Variants in SLC12A6 observed in about 807,000 individuals in gnomAD.
The protein encoded by SLC12A6 is solute carrier family 12 member 6, also known as K-Cl cotransporter 3.
SLC12A6 carries 66 observed loss-of-function variants against 135.3 expected under a neutral mutation model. That is an observed-to-expected ratio of 0.49 (90% confidence interval 0.40 to 0.60). SLC12A6 has a LOEUF of 0.60. Ranked by LOEUF, SLC12A6 falls within the 20% of genes least tolerant of loss-of-function variation. The pLI is 0.00. For missense variants in SLC12A6, 1,058 were observed against 1,452.3 expected (o/e 0.73, Z 4.41); for synonymous variants, 513 against 508.8 (o/e 1.01, Z -0.11).
chr15:34,250,808 A>T, intron 11 of SLC12A6, 79 bp from the exon 12 acceptor site: 1 of 1,400,318 alleles, frequency 7.1e-7, no homozygotes, highest in East Asian at 2.3e-5. Flanking sequence ...GAGTAGAAGC[A>T]AATCTAGGAA....
chr15:34,337,780 C>CTAGCGGCTGT lies in SLC12A6; in HGVS notation c.-522_-521insACAGCCGCTA. The stretch of plus-strand genomic sequence containing the variant: ...GCAGCTGTTGTTTACTAGCCGGTAA[C>CTAGCGGCTGT]TGTTTCAGAGCCGCGGCGCGCGCAG... On this transcript the variant is annotated 5_prime_UTR_variant, in exon 1 of 26. Transcript: ENST00000354181. 1 of 152,254 alleles carries CTAGCGGCTGT rather than the reference C, an allele frequency of 6.6e-6. No individual in the cohort carries two copies. Among genetic ancestry groups the CTAGCGGCTGT allele is most frequent in the East Asian group, 1.9e-4 (1 of 5,182 alleles). The allele number at this position is 152,254 out of a possible 1,614,324, so 9.4% of individuals were successfully genotyped here. A position where few individuals can be genotyped will look rare whatever the true frequency, so the allele number is the denominator to read the frequency against.
intron 19 of SLC12A6, among the ~76,000 whole-genome samples, chr15:34,240,085 G>T (rs540292473): frequency 6.6e-6 from 1 of 151,938 alleles, no homozygotes; most frequent in South Asian, 2.1e-4. Flanking sequence ...ATCTCCTAAT[G>T]CTATCCTTCC....
intron 2 of SLC12A6, among the ~76,000 whole-genome samples, chr15:34,324,143 A>G (rs551962531): frequency 3.0e-4 from 46 of 152,314 alleles, no homozygotes; most frequent in Non-Finnish European, 5.9e-4. Context: ...ACAAATATGT[A>G]TATAACAGCT....
Position 34,239,091 on chromosome 15 carries a change from T to C in SLC12A6, c.2506A>G (p.Arg836Gly). The change falls in exon 20 of 26, where the codon AGA (arginine) becomes GGA (glycine). Residue 836 changes from arginine to glycine, a missense_variant. By Grantham distance (125) the Arg-to-Gly change is moderately radical. Transcript: ENST00000354181. ...FCQLVVAAKL[R>G]EGISHLIQSC... ...TGGATGAGGTGGGAAATGCCCTCTCTCAGCTTGGCGGCCACCACCAGCTGG... is the reference window on the plus strand; with the variant it reads ...TGGATGAGGTGGGAAATGCCCTCTCCCAGCTTGGCGGCCACCACCAGCTGG... The C allele has an allele frequency of 6.2e-7, 1 of 1,614,118 alleles. No individual in the cohort carries two copies. The highest frequency in any genetic ancestry group is 8.5e-7 in the Non-Finnish European group (1 of 1,179,980).
Position 34,236,106 on chromosome 15 carries a change from G to C in SLC12A6, c.3136C>G (p.His1046Asp). The change falls in exon 24 of 26, where the codon CAC becomes GAC. Residue 1046 changes from histidine to aspartate, a missense_variant. Around this residue, in one of 6 missense-constraint regions of SLC12A6, gnomAD observed 245 missense variants for 440.8 expected, o/e 0.56. Coordinates refer to ENST00000354181, the MANE Select transcript of SLC12A6 (RefSeq NM_001365088.1). ...TACTTGTCTTTTGTCCAAGTCATGTGCACCTTCTCCTGATAGGTTTCTGTC... is the reference window on the plus strand; with the variant it reads ...TACTTGTCTTTTGTCCAAGTCATGTCCACCTTCTCCTGATAGGTTTCTGTC... ...EETETYQEKV[H>D]MTWTKDKYMA... The C allele has an allele frequency of 6.2e-7, 1 of 1,613,388 alleles. No individual in the cohort carries two copies. Among genetic ancestry groups the C allele is most frequent in the Non-Finnish European group, 8.5e-7 (1 of 1,179,294 alleles).
chr15:34,270,525 G>A (rs1817927260), intron 3 of SLC12A6, among the ~76,000 whole-genome samples: 1 of 152,164 alleles, frequency 6.6e-6, no homozygotes, highest in Non-Finnish European at 1.5e-5. Context: ...AGGTTTGGCT[G>A]AGCACAATGG....
chr15:34,324,516 A>G (rs1370539732), intron 2 of SLC12A6, among the ~76,000 whole-genome samples: 5 of 152,140 alleles, frequency 3.3e-5, no homozygotes, highest in Non-Finnish European at 7.4e-5. Context: ...GAATGGGTCT[A>G]TTTTGGGGTA....
At chr15:34,316,734 C>G (rs1252605585) in intron 2 of SLC12A6, among the ~76,000 whole-genome samples, 1 of 152,122 alleles carries the variant, frequency 6.6e-6, no homozygotes, top group Non-Finnish European at 1.5e-5. Context: ...TAGTTGCTAA[C>G]AGATTGAATG....
rs1256888994 is a variant in SLC12A6, at chr15:34,235,309, T to C, written c.3233A>G (p.Gln1078Arg). The C allele has an allele frequency of 6.2e-7, 1 of 1,613,014 alleles. No individual in the cohort carries two copies. Among genetic ancestry groups the C allele is most frequent in the Admixed American group, 1.7e-5 (1 of 60,000 alleles). ...FQDLLNMRPD[Q>R]SNVRRMHTAV... is the part of the protein sequence containing the mutation. ...TGTATGCATCCGCCTCACATTGGAC[T>C]GGTCCCTGAGTGGGGAAGAAATAAA... is the stretch of plus-strand genomic sequence containing the variant. Residue 1078 changes from glutamine to arginine, a missense_variant, in exon 25 of 26, where the codon CAG (glutamine) becomes CGG (arginine). Gln to Arg is a conservative substitution (Grantham distance 43). Transcript: ENST00000354181.
chr15:34,248,154 T>C (rs1892129701), intron 13 of SLC12A6, among the ~76,000 whole-genome samples: 1 of 152,256 alleles, frequency 6.6e-6, no homozygotes, highest in Non-Finnish European at 1.5e-5. Context: ...TACTTTGCTG[T>C]ATGGCTTCCT....
intron 2 of SLC12A6, among the ~76,000 whole-genome samples, chr15:34,302,003 T>C (rs1896289739): frequency 6.6e-6 from 1 of 152,248 alleles, no homozygotes; most frequent in Non-Finnish European, 1.5e-5. Flanking sequence ...TAAACTGTGT[T>C]CTGAATACAT....
At chr15:34,315,174 T>C (rs1373447295) in intron 2 of SLC12A6, among the ~76,000 whole-genome samples, 2 of 152,226 alleles carry the variant, frequency 1.3e-5, no homozygotes, top group African/African-American at 4.8e-5. Flanking sequence ...TTGACTCCAA[T>C]TTTGAAAGAA....
At chr15:34,323,282 G>A in intron 2 of SLC12A6, among the ~76,000 whole-genome samples, 1 of 152,084 alleles carries the variant, frequency 6.6e-6, no homozygotes, top group Non-Finnish European at 1.5e-5. Context: ...TGGCCATCAG[G>A]GAAATGCAAA....
intron 2 of SLC12A6, among the ~76,000 whole-genome samples, chr15:34,311,799 G>T (rs1199423174): frequency 6.6e-6 from 1 of 152,056 alleles, no homozygotes; most frequent in Non-Finnish European, 1.5e-5. Flanking sequence ...TGTGCTAACT[G>T]CCCTAAACTT....
intron 2 of SLC12A6, among the ~76,000 whole-genome samples, chr15:34,278,646 ACTGCAACCTCCAC>A (rs973872112): frequency 1.3e-5 from 2 of 151,502 alleles, no homozygotes; most frequent in Non-Finnish European, 2.9e-5. Flanking sequence ...ATCTCGGCTC[ACTGCAACCTCCAC>A]CTTCCAGGTT....
At chr15:34,260,841 T>G (rs1042950833) in intron 4 of SLC12A6, 85 bp downstream of exon 4, 10 of 737,012 alleles carry the variant, frequency 1.4e-5, no homozygotes, top group Admixed American at 1.2e-4. Context: ...GCTTGTAAAA[T>G]TTTTAAACCA....
intron 14 of SLC12A6, 91 bp from the exon 15 acceptor site, chr15:34,245,494 A>G: frequency 2.2e-6 from 2 of 911,360 alleles, no homozygotes; most frequent in South Asian, 2.6e-5. Flanking sequence ...TCTGGAAGAC[A>G]ACAGTGTTAC....
At chr15:34,311,122 C>CTA (rs1888225128) in intron 2 of SLC12A6, among the ~76,000 whole-genome samples, 1 of 152,030 alleles carries the variant, frequency 6.6e-6, no homozygotes, top group Non-Finnish European at 1.5e-5. Context: ...CTCTATTGTG[C>CTA]TATAGGTCCA....
intron 2 of SLC12A6, among the ~76,000 whole-genome samples, chr15:34,312,574 A>G (rs1024559523): frequency 2.1e-4 from 32 of 152,212 alleles, no homozygotes; most frequent in African/African-American, 7.5e-4. Context: ...GTAGGAAGAA[A>G]ACAGTCAAGA....
Sources: gnomAD v4.1 joint callset for allele counts (sites outside exome capture counted in the v4.1 genomes callset) on GRCh38, gnomAD v4.1.1 for gene constraint, gnomAD v4.1.1 regional missense constraint, MANE v1.5 for transcripts, NCBI Gene and HGNC (gene_info 2026-07-23, HGNC 2026-07-21) for gene names.